Variants in FBXO4 observed in about 807,000 individuals in gnomAD.
FBXO4 encodes F-box protein 4.
A neutral mutation model predicts 43.7 loss-of-function variants in FBXO4; 36 were observed. The observed-to-expected ratio is 0.82, with a 90% CI of 0.63 to 1.09. The LOEUF is 1.09. Among genes scored for constraint, FBXO4 ranks in the 50% least tolerant of loss-of-function variants. The pLI is 0.00. For missense variants in FBXO4, 435 were observed against 474.1 expected (o/e 0.92, Z 0.77); for synonymous variants, 180 against 165.6 (o/e 1.09, Z -0.67).
chr5:42,028,235 T>C, the FBXO4 span, among the ~76,000 whole-genome samples: 2 of 151,962 alleles, frequency 1.3e-5, no homozygotes, highest in Admixed American at 6.6e-5. Context: ...AAAATTGTTA[T>C]ATTCTTTTGC....
At chr5:41,971,943 A>G in the FBXO4 span, among the ~76,000 whole-genome samples, 2 of 152,062 alleles carry the variant, frequency 1.3e-5, no homozygotes, top group African/African-American at 4.8e-5. Context: ...TATACCCCAA[A>G]GTGATAAGAG....
At chr5:42,026,619 G>C in the FBXO4 span, among the ~76,000 whole-genome samples, 2 of 151,822 alleles carry the variant, frequency 1.3e-5, no homozygotes, top group East Asian at 3.9e-4. Context: ...TGGTGACAAT[G>C]AGCCTTCTTG....
chr5:41,972,223 G>C, the FBXO4 span, among the ~76,000 whole-genome samples: 252 of 152,144 alleles, frequency 1.7e-3, 7 homozygotes, highest in East Asian at 0.04. Context: ...AAGGCTCTTA[G>C]AACTGACAAA....
the FBXO4 span, among the ~76,000 whole-genome samples, chr5:41,977,758 G>T: frequency 9.9e-5 from 15 of 152,264 alleles, no homozygotes; most frequent in African/African-American, 3.6e-4. Flanking sequence ...ATTTCTATCA[G>T]AATTTTGGTT....
chr5:42,008,651 G>A, the FBXO4 span, among the ~76,000 whole-genome samples: 2 of 152,088 alleles, frequency 1.3e-5, no homozygotes, highest in Non-Finnish European at 2.9e-5. Context: ...TAATCCTCCT[G>A]TCCAGAAGTG....
intron 3 of FBXO4, among the ~76,000 whole-genome samples, chr5:41,931,180 A>C (rs1379879452): frequency 6.6e-6 from 1 of 152,244 alleles, no homozygotes; most frequent in African/African-American, 2.4e-5. Context: ...AAGGGGCTAA[A>C]GATATGGAGA....
chr5:41,962,220 G>A, the FBXO4 span, among the ~76,000 whole-genome samples: 1 of 152,212 alleles, frequency 6.6e-6, no homozygotes, highest in Non-Finnish European at 1.5e-5. Context: ...AATAATTTGA[G>A]AATGGGATCT....
At chr5:41,999,547 A>G in the FBXO4 span, among the ~76,000 whole-genome samples, 953 of 81,266 alleles carry the variant, frequency 0.012, 19 homozygotes, top group African/African-American at 0.023. Flanking sequence ...ATATATATGT[A>G]TATATATATA....
At chr5:41,930,063 A>G in intron 3 of FBXO4, 146 bp downstream of exon 3, 1 of 611,720 alleles carries the variant, frequency 1.6e-6, no homozygotes, top group East Asian at 2.8e-5. Flanking sequence ...GTTCCACTGA[A>G]CTGACAGAAT....
chr5:41,985,212 A>C, the FBXO4 span, among the ~76,000 whole-genome samples: 2 of 152,168 alleles, frequency 1.3e-5, no homozygotes, highest in African/African-American at 2.4e-5. Flanking sequence ...CATTGCCTTC[A>C]AGGGGATGGT....
At chr5:42,030,473 C>T in the FBXO4 span, among the ~76,000 whole-genome samples, 2 of 151,986 alleles carry the variant, frequency 1.3e-5, no homozygotes, top group Non-Finnish European at 2.9e-5. Context: ...GGATTAAAGA[C>T]TTAAATGTTA....
chr5:42,033,828 C>A, the FBXO4 span, among the ~76,000 whole-genome samples: 1 of 152,148 alleles, frequency 6.6e-6, no homozygotes, highest in Non-Finnish European at 1.5e-5. Flanking sequence ...AATACTGCTG[C>A]ATGTGTCTTT....
At chr5:42,017,396 G>GTTTAT in the FBXO4 span, among the ~76,000 whole-genome samples, 36 of 151,690 alleles carry the variant, frequency 2.4e-4, no homozygotes, top group East Asian at 1.7e-3. Context: ...TTTTAAGGTA[G>GTTTAT]TTTATTTTAT....
the FBXO4 span, among the ~76,000 whole-genome samples, chr5:41,957,708 C>A: frequency 6.6e-6 from 1 of 151,628 alleles, no homozygotes; most frequent in African/African-American, 2.4e-5. Flanking sequence ...ATAATTTTAA[C>A]ACTTGGGCCA....
At chr5:41,925,606 C>A in intron 1 of FBXO4, 108 bp downstream of exon 1, 1 of 813,462 alleles carries the variant, frequency 1.2e-6, no homozygotes. Context: ...CGGCCTGGGT[C>A]TGGCTCCGTC....
At chr5:41,933,162 A>G (rs1417705712) in intron 3 of FBXO4, among the ~76,000 whole-genome samples, 1 of 152,164 alleles carries the variant, frequency 6.6e-6, no homozygotes, top group Non-Finnish European at 1.5e-5. Context: ...CGAATTCTAA[A>G]TTTCAGTATC....
the FBXO4 span, among the ~76,000 whole-genome samples, chr5:41,973,457 G>C: frequency 7.9e-5 from 12 of 152,150 alleles, no homozygotes; most frequent in African/African-American, 2.7e-4. Context: ...CGAGAGGATT[G>C]CTTGAGCCCA....
chr5:41,951,743 C>T, the FBXO4 span: 6 of 213,544 alleles, frequency 2.8e-5, no homozygotes, highest in Admixed American at 1.1e-4. Context: ...TGGAGGAAAA[C>T]CTGTGTGACC....
chr5:41,945,542 C>T (rs1752065321), downstream of FBXO4, among the ~76,000 whole-genome samples: 1 of 152,162 alleles, frequency 6.6e-6, no homozygotes, highest in South Asian at 2.1e-4. Flanking sequence ...GAGACAACAG[C>T]ACGCGATGTG....
Sources: gnomAD v4.1 joint callset for allele counts (sites outside exome capture counted in the v4.1 genomes callset) on GRCh38, gnomAD v4.1.1 for gene constraint, MANE v1.5 for transcripts, NCBI Gene and HGNC (gene_info 2026-07-23, HGNC 2026-07-21) for gene names.